Variants in KIF7 observed in about 807,000 individuals in gnomAD.
The protein encoded by KIF7 is kinesin family member 7.
Under a neutral mutation model 135.7 loss-of-function variants are expected in KIF7, and 104 were observed. That is an observed-to-expected ratio of 0.77 (90% CI 0.65 to 0.90). KIF7 has a LOEUF of 0.90. Among genes scored for constraint, KIF7 ranks in the 40% least tolerant of loss-of-function variants. KIF7 has a pLI of 0.00. For synonymous variants in KIF7, 883 were observed against 809.4 expected (o/e 1.09, Z -1.54); for missense variants, 2,005 against 1,839.1 (o/e 1.09, Z -1.65).
Position 89,632,130 on chromosome 15 carries a change from G to A in KIF7, c.2896-420C>T, listed in dbSNP as rs181528244. 6.6e-5 allele frequency among the ~76,000 whole-genome samples: 10 copies of A among 152,358 alleles called. No homozygotes were observed. The East Asian group carries it at 1.2e-3, about 18-fold the overall frequency. ...AGGGAAGTTACGGATCATTCCAGTAGGACCCTGGATCCTCCTGGACATCAG... is the reference window on the plus strand; with the variant it reads ...AGGGAAGTTACGGATCATTCCAGTAAGACCCTGGATCCTCCTGGACATCAG... On this transcript the variant is annotated intron_variant, in intron 14 of 18. Coordinates refer to ENST00000394412, the MANE Select transcript of KIF7 (RefSeq NM_198525.3).
At chr15:89,625,648 A>AAGGAAGAAGCTGACCGTGG, downstream of KIF7, 1 of 1,613,718 alleles carries the variant, frequency 6.2e-7, no homozygotes, top group Non-Finnish European at 8.5e-7. Context: ...CCTGTTGGCC[A>AAGGAAGAAGCTGACCGTGG]AGGAAGAAGC....
chr15:89,621,161 A>G (rs1257130578), intron 1 of KIF7, among the ~76,000 whole-genome samples: 1 of 152,100 alleles, frequency 6.6e-6, no homozygotes, highest in African/African-American at 2.4e-5. Flanking sequence ...CTGGGATTAC[A>G]GGCCCCTGCC....
downstream of KIF7, chr15:89,624,272 AG>A (rs1963473862): frequency 6.2e-7 from 1 of 1,614,084 alleles, no homozygotes; most frequent in Admixed American, 1.7e-5. Flanking sequence ...GATGTCTCCA[AG>A]AAGAGTCCAT....
chr15:89,630,866 T>C (rs1456518180), intron 15 of KIF7: 1 of 377,690 alleles, frequency 2.6e-6, no homozygotes, highest in African/African-American at 2.1e-5. Flanking sequence ...TTAGGCGTTT[T>C]CGACGTCGTG....
intron 11 of KIF7, 130 bp from the exon 12 acceptor site, chr15:89,634,013 C>CA: frequency 1.0e-6 from 1 of 969,888 alleles, no homozygotes; most frequent in South Asian, 1.3e-5. Flanking sequence ...ATAATAATAA[C>CA]AGAGGCCGGG....
At chr15:89,637,440 AAAAG>A (rs1300569886) in intron 11 of KIF7, among the ~76,000 whole-genome samples, 1 of 152,212 alleles carries the variant, frequency 6.6e-6, no homozygotes, top group Non-Finnish European at 1.5e-5. Flanking sequence ...TAGCAAGAAA[AAAAG>A]AGAGAAGAAT....
At chr15:89,633,587 T>G (rs1963733095) in intron 12 of KIF7, 99 bp downstream of exon 12, 3 of 1,291,212 alleles carry the variant, frequency 2.3e-6, no homozygotes, top group Non-Finnish European at 3.3e-6. Flanking sequence ...TAAGGTCACG[T>G]GGCTGTGGGT....
exon 2 of KIF7, chr15:89,618,078 G>A: frequency 3.5e-6 from 5 of 1,432,908 alleles, no homozygotes; most frequent in Non-Finnish European, 3.9e-6. Context: ...TGTTAAGTGA[G>A]AAGCTGCCTG....
chr15:89,644,925 T>A, intron 10 of KIF7, 88 bp downstream of exon 10: 1 of 1,548,354 alleles, frequency 6.5e-7, no homozygotes, highest in Non-Finnish European at 8.8e-7. Flanking sequence ...CCTAACCACC[T>A]CATTGTTGAA....
chr15:89,625,059 A>G (rs776565214), downstream of KIF7: 20 of 1,613,852 alleles, frequency 1.2e-5, no homozygotes, highest in Non-Finnish European at 1.5e-5. Flanking sequence ...CCAGCTCTTC[A>G]TTAGAGGCTG....
intron 11 of KIF7, among the ~76,000 whole-genome samples, chr15:89,641,003 A>G (rs1371077069): frequency 2.0e-5 from 3 of 152,104 alleles, no homozygotes; most frequent in African/African-American, 7.2e-5. Context: ...ACTCCGTCTC[A>G]AAAAATAAAA....
chr15:89,649,916 GC>G lies in KIF7; in HGVS notation c.353del (p.Gly118AlafsTer64). The part of the protein sequence containing the change: ...SVASLLEDEQ[G>X]IVPRAMAEAF... ...CCTCGGCCATGGCCCTCGGGACAAT[GC>G]CCTGCTCATCCTCAAGGAGGGAGGC... On this transcript the variant is annotated frameshift_variant, in exon 3 of 19. Transcript: ENST00000394412. LOFTEE classifies it high-confidence loss of function. 1 of 1,551,524 alleles carries G rather than the reference GC, an allele frequency of 6.4e-7. No homozygotes were observed. The highest frequency in any genetic ancestry group is 8.7e-7 in the Non-Finnish European group (1 of 1,146,988).
chr15:89,636,904 T>A (rs958803866), intron 11 of KIF7, among the ~76,000 whole-genome samples: 9 of 146,410 alleles, frequency 6.1e-5, no homozygotes, highest in Middle Eastern at 7.0e-3. Flanking sequence ...CCACACCTAT[T>A]CCAAAATTGA....
intron 1 of KIF7, chr15:89,618,220 A>C: frequency 6.2e-7 from 1 of 1,613,560 alleles, no homozygotes; most frequent in Non-Finnish European, 8.5e-7. Flanking sequence ...GGTGAGTGTT[A>C]TCTCTTTTTG....
chr15:89,625,817 A>C, downstream of KIF7: 8 of 1,576,102 alleles, frequency 5.1e-6, no homozygotes, highest in Non-Finnish European at 6.9e-6. Context: ...CAGTTTCCTC[A>C]TGGTTTCTTT....
intron 12 of KIF7, 29 bp from the exon 13 acceptor site, chr15:89,633,295 G>C: frequency 1.3e-6 from 2 of 1,544,192 alleles, no homozygotes; most frequent in Non-Finnish European, 1.7e-6. Context: ...GGGCAGGGCT[G>C]TTTATGGTGC....
In KIF7 at chr15:89,645,413, C is replaced by T. The variant is rs542994181; in HGVS notation, c.1961G>A (p.Arg654His). ...CTTCCTCTCTGGCAGACTCCCTGGGCGTGCCCCCGCCCTCTGACTGCAGTT... is the reference window on the plus strand; with the variant it reads ...CTTCCTCTCTGGCAGACTCCCTGGGTGTGCCCCCGCCCTCTGACTGCAGTT... ...ISNCSQRAGARPGSLPERKGP... is the reference protein window; with the variant it reads ...ISNCSQRAGAHPGSLPERKGP... The change falls in exon 9 of 19, where the codon CGC (arginine) becomes CAC (histidine). Residue 654 changes from arginine to histidine, a missense_variant. Arg to His is a conservative substitution (Grantham distance 29, BLOSUM62 0). Transcript: ENST00000394412. The T allele has an allele frequency of 4.4e-5, 71 of 1,613,996 alleles. 1 individual carries two copies. The South Asian group carries it at 6.5e-4, about 15-fold the overall frequency.
At position 89,630,658 on chromosome 15, in the gene KIF7, C is replaced by G. The variant is rs527378778; in HGVS notation, c.3112-165G>C. The G allele has an allele frequency of 5.3e-4, 359 of 680,612 alleles. 5 individuals are homozygous for G. The South Asian group carries it at 5.7e-3, about 11-fold the overall frequency. The allele number at this position is 680,612 out of a possible 1,614,324, so 42.2% of individuals were successfully genotyped here. A position where few individuals can be genotyped will look rare whatever the true frequency, so the allele number is the denominator to read the frequency against. ...GAGAGGTGCCCCCTGCTCACTGTCACAGCCCCAACCCCAGGGTGAGCTGGG... is the reference window on the plus strand; with the variant it reads ...GAGAGGTGCCCCCTGCTCACTGTCAGAGCCCCAACCCCAGGGTGAGCTGGG... On this transcript the variant is annotated intron_variant, in intron 15 of 18. Coordinates refer to ENST00000394412, the MANE Select transcript of KIF7 (RefSeq NM_198525.3).
At chr15:89,649,479 C>T in intron 3 of KIF7, 112 bp from the exon 4 acceptor site, 1 of 1,241,192 alleles carries the variant, frequency 8.1e-7, no homozygotes, top group Non-Finnish European at 1.1e-6. Flanking sequence ...CCCACTGCTC[C>T]CTCCCCATGC....
Sources: allele counts gnomAD v4.1 joint callset (sites outside exome capture counted in the v4.1 genomes callset), GRCh38; gene constraint gnomAD v4.1.1; transcripts MANE v1.5; gene names NCBI Gene and HGNC (gene_info 2026-07-23, HGNC 2026-07-21).